Variants in CSMD1 observed in about 807,000 individuals in gnomAD.
The protein encoded by CSMD1 is CUB and sushi domain-containing protein 1.
In CSMD1, 213 loss-of-function variants were observed where a neutral mutation model predicts 417.5. The ratio of observed to expected loss-of-function variants is 0.51; its 90% CI spans 0.46 to 0.57. CSMD1 has a LOEUF of 0.57. Among genes scored for constraint, CSMD1 ranks in the 20% least tolerant of loss-of-function variants. The probability of loss-of-function intolerance (pLI) is 0.00; values close to 1 mark genes in which losing one functional copy is unlikely to be tolerated. For synonymous variants in CSMD1, 2,862 were observed against 1,736.8 expected (o/e 1.65, Z -16.11); for missense variants, 6,923 against 4,529.7 (o/e 1.53, Z -15.17).
intron 11 of CSMD1, among the ~76,000 whole-genome samples, chr8:3,490,280 T>G (rs1031047234): frequency 3.3e-5 from 5 of 152,196 alleles, no homozygotes; most frequent in African/African-American, 1.2e-4. Flanking sequence ...ATTTACAGAT[T>G]CAAGCTATTG....
At chr8:4,587,340 T>C (rs958145453) in intron 2 of CSMD1, among the ~76,000 whole-genome samples, 3 of 152,170 alleles carry the variant, frequency 2.0e-5, no homozygotes, top group African/African-American at 4.8e-5. Context: ...ACTGTAAAAC[T>C]GTGAGCTTTT....
chr8:4,724,591 G>A (rs1050112851), intron 1 of CSMD1, among the ~76,000 whole-genome samples: 7 of 150,758 alleles, frequency 4.6e-5, no homozygotes, highest in African/African-American at 1.7e-4. Context: ...TTCTGTTGAA[G>A]AAGAATTGAC....
chr8:4,423,799 C>T (rs1797391640), intron 2 of CSMD1, among the ~76,000 whole-genome samples: 1 of 151,824 alleles, frequency 6.6e-6, no homozygotes, highest in African/African-American at 2.4e-5. Flanking sequence ...AACAGTTCAC[C>T]TGATTTCAAG....
chr8:4,623,623 G>C (rs75019107), intron 2 of CSMD1, among the ~76,000 whole-genome samples: 4,700 of 152,116 alleles, frequency 0.031, 179 homozygotes, highest in East Asian at 0.11. Context: ...TGGCATAGCT[G>C]TATATTGGAA....
intron 13 of CSMD1, among the ~76,000 whole-genome samples, chr8:3,409,047 G>A (rs941210393): frequency 1.3e-5 from 2 of 152,096 alleles, no homozygotes; most frequent in Admixed American, 1.3e-4. Flanking sequence ...TCGCACTGGT[G>A]AACAACTTGT....
chr8:4,072,650 G>C (rs1014311669), intron 3 of CSMD1, among the ~76,000 whole-genome samples: 1 of 152,156 alleles, frequency 6.6e-6, no homozygotes, highest in African/African-American at 2.4e-5. Flanking sequence ...CATGATTAAG[G>C]AAGGCTTCCC....
At chr8:2,944,119 T>C (rs1802063940) in intron 68 of CSMD1, among the ~76,000 whole-genome samples, 1 of 152,204 alleles carries the variant, frequency 6.6e-6, no homozygotes, top group African/African-American at 2.4e-5. Flanking sequence ...ACTTATCTTT[T>C]TGAGATCTGC....
chr8:3,443,871 A>T (rs574747583), intron 12 of CSMD1, among the ~76,000 whole-genome samples: 1 of 152,150 alleles, frequency 6.6e-6, no homozygotes, highest in Non-Finnish European at 1.5e-5. Flanking sequence ...TTGCTTTCAA[A>T]TTTTTCACGT....
At chr8:4,446,407 G>A (rs1179245500) in intron 2 of CSMD1, among the ~76,000 whole-genome samples, 1 of 152,118 alleles carries the variant, frequency 6.6e-6, no homozygotes, top group Non-Finnish European at 1.5e-5. Context: ...AAGTAGCCAT[G>A]GGTGGTGGTG....
intron 3 of CSMD1, among the ~76,000 whole-genome samples, chr8:4,408,605 T>C (rs953207456): frequency 2.0e-5 from 3 of 152,186 alleles, no homozygotes; most frequent in Admixed American, 2.0e-4. Context: ...AATTAAGAAA[T>C]GTCTGATAAT....
rs1208855881 is a variant in CSMD1, at chr8:4,318,050, G to A, written c.415+101903C>T. Among the ~76,000 whole-genome samples, 14 of 152,200 alleles carry A rather than the reference G, an allele frequency of 9.2e-5. No homozygotes were observed. In the East Asian group the frequency reaches 1.2e-3, roughly 13 times the overall value. On this transcript the variant is annotated intron_variant, in intron 3 of 69. Transcript: ENST00000635120. ...CTATTAGCAATATATAAAATTGTGC[G>A]TTCGTTTTTTCTCACGTAAGTGTGA...
intron 3 of CSMD1, among the ~76,000 whole-genome samples, chr8:4,122,773 T>C (rs1016002319): frequency 3.9e-5 from 6 of 152,172 alleles, no homozygotes; most frequent in African/African-American, 1.2e-4. Flanking sequence ...CTCTTATCAA[T>C]GGAAGTCACT....
chr8:3,031,827 A>G (rs894440411), intron 50 of CSMD1, among the ~76,000 whole-genome samples: 1 of 150,488 alleles, frequency 6.6e-6, no homozygotes, highest in Non-Finnish European at 1.5e-5. Flanking sequence ...TTGGTTTGTA[A>G]TTATCTTAGG....
chr8:4,149,722 T>C (rs1796466945), intron 3 of CSMD1, among the ~76,000 whole-genome samples: 1 of 152,152 alleles, frequency 6.6e-6, no homozygotes, highest in African/African-American at 2.4e-5. Flanking sequence ...ACAGAAACAT[T>C]TTCCAAATAA....
intron 2 of CSMD1, among the ~76,000 whole-genome samples, chr8:4,612,795 A>T (rs1801252368): frequency 6.6e-6 from 1 of 152,218 alleles, no homozygotes; most frequent in Admixed American, 6.5e-5. Context: ...CAGTAACACC[A>T]GCCTCTGTCT....
intron 50 of CSMD1, among the ~76,000 whole-genome samples, chr8:3,032,370 A>C (rs694565): frequency 0.58 from 88,421 of 151,820 alleles, 26,401 homozygotes; most frequent in African/African-American, 0.67. Context: ...TAGAAAAGGT[A>C]CAGTCTTTGT....
At chr8:4,095,413 A>G (rs953956508) in intron 3 of CSMD1, among the ~76,000 whole-genome samples, 3 of 151,656 alleles carry the variant, frequency 2.0e-5, no homozygotes, top group Non-Finnish European at 2.9e-5. Context: ...AAAAAAAATG[A>G]CAATAGTGCA....
At chr8:3,211,788 GA>G (rs1797624708) in intron 30 of CSMD1, among the ~76,000 whole-genome samples, 2 of 152,236 alleles carry the variant, frequency 1.3e-5, no homozygotes, top group Non-Finnish European at 2.9e-5. Context: ...GGATCCTCAA[GA>G]CCTTGGACAG....
At chr8:4,468,776 C>T (rs910439750) in intron 2 of CSMD1, among the ~76,000 whole-genome samples, 1 of 152,102 alleles carries the variant, frequency 6.6e-6, no homozygotes, top group African/African-American at 2.4e-5. Context: ...CTTAGCATGT[C>T]CTGTGTTTTT....
Sources: allele counts gnomAD v4.1 joint callset (sites outside exome capture counted in the v4.1 genomes callset), GRCh38; gene constraint gnomAD v4.1.1; transcripts MANE v1.5; gene names NCBI Gene and HGNC (gene_info 2026-07-23, HGNC 2026-07-21).